The following TRMT9B variants were observed in gnomAD, a reference collection of about 807,000 sequenced individuals.
TRMT9B encodes probable tRNA methyltransferase 9B.
In TRMT9B, 16 loss-of-function variants were observed where a neutral mutation model predicts 11.5. The ratio of observed to expected loss-of-function variants is 1.39; its 90% confidence interval spans 0.94 to 2.11. TRMT9B has a LOEUF of 2.11. Ranked by LOEUF, TRMT9B falls within the 30% of genes most tolerant of loss-of-function variation. The probability of loss-of-function intolerance (pLI) is 0.00; values close to 1 mark genes in which losing one functional copy is unlikely to be tolerated. For synonymous variants in TRMT9B, 274 were observed against 192.4 expected (o/e 1.42, Z -3.51); for missense variants, 941 against 553.8 (o/e 1.70, Z -7.02).
chr8:12,957,796 AGAAT>A (rs1256795757), intron 1 of TRMT9B, among the ~76,000 whole-genome samples: 1 of 152,250 alleles, frequency 6.6e-6, no homozygotes, highest in Non-Finnish European at 1.5e-5. Flanking sequence ...TATTTTGCAT[AGAAT>A]GAAGTGTACT....
rs78601000 is a variant in TRMT9B at position 13,018,261 on chromosome 8, G to T, written c.329-2747G>T. 9.4e-4 allele frequency among the ~76,000 whole-genome samples: 142 copies of T among 151,796 alleles called. 2 individuals carry two copies. In the East Asian group the frequency reaches 0.025, roughly 27 times the overall value. On this transcript the variant is annotated intron_variant, in intron 4 of 4. Transcript: ENST00000524591. ...TACAAAAAATACAAAAATTAGCTGGGTGTGGTGATATATACCTGTGGTCCC... is the reference window on the plus strand; with the variant it reads ...TACAAAAAATACAAAAATTAGCTGGTTGTGGTGATATATACCTGTGGTCCC...
chr8:13,025,742 A>G lies in TRMT9B; in HGVS notation c.*3698A>G, dbSNP rs1444342053. On this transcript the variant is annotated 3_prime_UTR_variant, in exon 5 of 5. Transcript: ENST00000524591. Reference sequence around the variant, plus strand: ...TCAAAGTAACTAACAAACTAGCTACACAAACGTCTTGGAGTTTGGTTTCGT... The same window carrying G: ...TCAAAGTAACTAACAAACTAGCTACGCAAACGTCTTGGAGTTTGGTTTCGT... 1.2e-5 allele frequency: 2 copies of G among 167,012 alleles called. No homozygotes were observed. The highest frequency in any genetic ancestry group is 4.8e-5 in the African/African-American group (2 of 41,472). 10.3% of individuals were successfully genotyped at this position (167,012 alleles called of 1,614,324 possible). A position where few individuals can be genotyped will look rare whatever the true frequency, so the allele number is the denominator to read the frequency against.
chr8:12,946,430 G>A (rs1003412509), intron 1 of TRMT9B, among the ~76,000 whole-genome samples: 1 of 152,130 alleles, frequency 6.6e-6, no homozygotes. Flanking sequence ...CATGGGCTAT[G>A]AAGGGCAAGA....
At position 12,949,972 on chromosome 8, in the gene TRMT9B, C is replaced by CTCCTG. The variant is rs1396576407; in HGVS notation, c.-200+4006_-200+4007insTCCTG. ...GGCTCAAGTGACCCTCCTGCCTCAA[C>CTCCTG]CTCCTGAATGGCTGGGATCATAGGC... On this transcript the variant is annotated intron_variant, in intron 1 of 4. Coordinates refer to ENST00000524591, the MANE Select transcript of TRMT9B (RefSeq NM_020844.3). 2.0e-5 allele frequency among the ~76,000 whole-genome samples: 3 copies of CTCCTG among 152,318 alleles called. No homozygotes were observed. The East Asian group carries it at 5.8e-4, about 29-fold the overall frequency.
At chr8:13,007,073 G>A (rs939539748) in intron 3 of TRMT9B, 2 of 152,266 alleles carry the variant, frequency 1.3e-5, no homozygotes, top group East Asian at 3.9e-4. Context: ...ATGATGGCTT[G>A]TGAAACTAAC....
At chr8:12,995,349 G>C (rs545550438) in intron 2 of TRMT9B, among the ~76,000 whole-genome samples, 14 of 152,296 alleles carry the variant, frequency 9.2e-5, no homozygotes, top group African/African-American at 3.4e-4. Flanking sequence ...AATCTAGTTT[G>C]AGTGCTAATT....
intron 2 of TRMT9B, among the ~76,000 whole-genome samples, chr8:13,004,868 A>T (rs926568688): frequency 2.0e-5 from 3 of 151,926 alleles, no homozygotes; most frequent in African/African-American, 4.8e-5. Flanking sequence ...AAGGGGAGGG[A>T]AGAGTGGGAA....
At chr8:12,958,163 A>G (rs1801563866) in intron 1 of TRMT9B, among the ~76,000 whole-genome samples, 1 of 152,162 alleles carries the variant, frequency 6.6e-6, no homozygotes, top group South Asian at 2.1e-4. Context: ...GTATATCAGA[A>G]TCTCCTTTCT....
intron 1 of TRMT9B, among the ~76,000 whole-genome samples, chr8:12,988,783 A>T (rs1487969262): frequency 6.6e-6 from 1 of 152,116 alleles, no homozygotes; most frequent in Non-Finnish European, 1.5e-5. Context: ...ACACAGCCAA[A>T]CCATATCAAT....
intron 1 of TRMT9B, among the ~76,000 whole-genome samples, chr8:12,982,514 T>A (rs13267910): frequency 0.049 from 7,412 of 152,086 alleles, 224 homozygotes; most frequent in South Asian, 0.095. Flanking sequence ...ATACAAAAAT[T>A]AGCTGGGTGC....
At chr8:13,010,195 C>A in intron 3 of TRMT9B, 1 of 840,930 alleles carries the variant, frequency 1.2e-6, no homozygotes, top group Non-Finnish European at 1.4e-6. Context: ...TGCAAATCAA[C>A]AACTACATCT....
intron 1 of TRMT9B, among the ~76,000 whole-genome samples, chr8:12,982,808 C>T (rs752837561): frequency 3.9e-5 from 6 of 152,158 alleles, no homozygotes; most frequent in Non-Finnish European, 7.4e-5. Context: ...GAAGTCACGC[C>T]TGACTTCATG....
At chr8:13,013,146 T>G (rs962115417) in intron 4 of TRMT9B, among the ~76,000 whole-genome samples, 1 of 152,226 alleles carries the variant, frequency 6.6e-6, no homozygotes, top group Admixed American at 6.5e-5. Flanking sequence ...TCTTACTCAT[T>G]GAAAATAGCA....
At chr8:13,012,587 TA>T in intron 3 of TRMT9B, 96 bp from the exon 4 acceptor site, 1 of 1,413,374 alleles carries the variant, frequency 7.1e-7, no homozygotes, top group South Asian at 1.5e-5. Flanking sequence ...AATAAATAAA[TA>T]AATAAAAGGT....
chr8:12,981,513 G>A (rs1428330731), intron 1 of TRMT9B, among the ~76,000 whole-genome samples: 2 of 152,270 alleles, frequency 1.3e-5, no homozygotes, highest in African/African-American at 2.4e-5. Context: ...GGAGATTGGA[G>A]ACCATTATAT....
At chr8:12,997,470 C>G (rs116123112) in intron 2 of TRMT9B, among the ~76,000 whole-genome samples, 1 of 152,126 alleles carries the variant, frequency 6.6e-6, no homozygotes, top group Non-Finnish European at 1.5e-5. Context: ...ATGAACCAAA[C>G]AAACTGCTTG....
chr8:13,009,687 G>A (rs182221389), intron 3 of TRMT9B, among the ~76,000 whole-genome samples: 1 of 152,156 alleles, frequency 6.6e-6, no homozygotes, highest in East Asian at 1.9e-4. Flanking sequence ...CCTAGGTTTT[G>A]TTATACTTTT....
chr8:12,954,787 A>G (rs1478348875), intron 1 of TRMT9B, among the ~76,000 whole-genome samples: 1 of 152,226 alleles, frequency 6.6e-6, no homozygotes, highest in Non-Finnish European at 1.5e-5. Flanking sequence ...ACATCTTCAA[A>G]AAGAGTTAAC....
Position 12,996,903 on chromosome 8 carries a change from G to A in TRMT9B, c.-2+5872G>A, listed in dbSNP as rs537178106. 8.6e-5 allele frequency among the ~76,000 whole-genome samples: 13 copies of A among 150,862 alleles called. No individual in the cohort carries two copies. The South Asian group carries it at 2.5e-3, about 30-fold the overall frequency. ...AGGCAGCCTCTATCCCACTTCTAAT[G>A]GCCCACATTTGTTTTATCTGTTTTT... On this transcript the variant is annotated intron_variant, in intron 2 of 4. Transcript: ENST00000524591.
Sources: allele counts gnomAD v4.1 joint callset (sites outside exome capture counted in the v4.1 genomes callset), GRCh38; gene constraint gnomAD v4.1.1; transcripts MANE v1.5; gene names NCBI Gene and HGNC (gene_info 2026-07-23, HGNC 2026-07-21).